DACH1: variants seen among roughly 807,000 people sequenced by gnomAD.
The protein encoded by DACH1 is dachshund homolog 1.
DACH1 carries 12 observed loss-of-function variants against 54.2 expected under a neutral mutation model. That is an observed-to-expected ratio of 0.22 (90% CI 0.14 to 0.36). The LOEUF (loss-of-function observed/expected upper bound fraction) is 0.36. Among genes scored for constraint, DACH1 ranks in the 10% least tolerant of loss-of-function variants. DACH1 has a pLI of 1.00. For missense variants in DACH1, 805 were observed against 929.8 expected, an observed-to-expected ratio of 0.87 and a Z score of 1.75; for synonymous variants, 386 against 366.2, an observed-to-expected ratio of 1.05 and a Z score of -0.62.
chr13:71,821,926 C>T (rs941908610), intron 1 of DACH1, among the ~76,000 whole-genome samples: 2 of 151,618 alleles, frequency 1.3e-5, no homozygotes, highest in South Asian at 2.1e-4. Context: ...CTGGGCGTGG[C>T]GGTGTGTGCC....
At chr13:71,726,146 A>G (rs1005982663) in intron 1 of DACH1, among the ~76,000 whole-genome samples, 4 of 152,126 alleles carry the variant, frequency 2.6e-5, no homozygotes, top group African/African-American at 4.8e-5. Context: ...TTAAACCTCT[A>G]TTCTTCTCAA....
chr13:71,781,390 A>ATTTATTTAT (rs927942757), intron 1 of DACH1, among the ~76,000 whole-genome samples: 1 of 126,060 alleles, frequency 7.9e-6, no homozygotes, highest in Admixed American at 7.7e-5. Context: ...TTATTTATTT[A>ATTTATTTAT]TTTTTTGAGA....
intron 1 of DACH1, among the ~76,000 whole-genome samples, chr13:71,737,981 G>T (rs1884212689): frequency 6.6e-6 from 1 of 152,180 alleles, no homozygotes; most frequent in Non-Finnish European, 1.5e-5. Context: ...TATTTTGGTG[G>T]TGGTGGAATT....
chr13:71,808,716 A>G (rs1887602814), intron 1 of DACH1, among the ~76,000 whole-genome samples: 1 of 152,192 alleles, frequency 6.6e-6, no homozygotes, highest in Non-Finnish European at 1.5e-5. Flanking sequence ...AAGAAGAATC[A>G]TTAGTTATTC....
At chr13:71,644,433 G>C (rs895710966) in intron 2 of DACH1, among the ~76,000 whole-genome samples, 1 of 152,138 alleles carries the variant, frequency 6.6e-6, no homozygotes, top group Non-Finnish European at 1.5e-5. Context: ...AGCTGGCACT[G>C]TGTTGAGGAT....
chr13:71,791,117 C>T (rs9318029), intron 1 of DACH1, among the ~76,000 whole-genome samples: 33,312 of 152,022 alleles, frequency 0.22, 4,427 homozygotes, highest in Non-Finnish European at 0.29. Flanking sequence ...GTACAATGGG[C>T]CAAAATTATC....
intron 3 of DACH1, among the ~76,000 whole-genome samples, chr13:71,602,824 G>A (rs1470081740): frequency 6.6e-6 from 1 of 151,930 alleles, no homozygotes; most frequent in Non-Finnish European, 1.5e-5. Context: ...ATAAATGTGT[G>A]AGTCCACATC....
chr13:71,742,535 G>GA lies in DACH1; in HGVS notation c.849-60626dup, dbSNP rs908485878. ...ATTTATTCATATTTACTCCATTGGG[G>GA]AAAAAAAAGGAAGAAAAATGCAAAG... On this transcript the variant is annotated intron_variant, in intron 1 of 10. Transcript: ENST00000613252. Among the ~76,000 whole-genome samples, 10 of 151,560 alleles carry GA rather than the reference G, an allele frequency of 6.6e-5. No homozygotes were observed. In the East Asian group the frequency reaches 1.2e-3, roughly 18 times the overall value.
rs117414273 is a variant in DACH1 at position 71,817,140 on chromosome 13, A to T, written c.848+48782T>A. ...AATAAAGTAAAACAAAATTATTAAA[A>T]ATAAGACATATAAAGGAGAAAGGAA... On this transcript the variant is annotated intron_variant, in intron 1 of 10. Coordinates refer to ENST00000613252, the MANE Select transcript of DACH1 (RefSeq NM_080759.6). 1.7e-3 allele frequency among the ~76,000 whole-genome samples: 262 copies of T among 152,334 alleles called. 3 individuals carry two copies. The highest frequency in any genetic ancestry group is 3.5e-3 in the Admixed American group (54 of 15,306).
chr13:71,695,466 C>T (rs776392150), intron 1 of DACH1, among the ~76,000 whole-genome samples: 1 of 152,174 alleles, frequency 6.6e-6, no homozygotes, highest in Non-Finnish European at 1.5e-5. Context: ...AGAGAAGAAA[C>T]TCTCAGAAAA....
intron 10 of DACH1, among the ~76,000 whole-genome samples, chr13:71,443,431 T>TA (rs1363578688): frequency 6.6e-6 from 1 of 151,994 alleles, no homozygotes; most frequent in Non-Finnish European, 1.5e-5. Flanking sequence ...CCATCTCTAT[T>TA]AAAAAATAAT....
At chr13:71,548,071 TGTGA>T (rs1883573548) in intron 6 of DACH1, among the ~76,000 whole-genome samples, 1 of 152,194 alleles carries the variant, frequency 6.6e-6, no homozygotes, top group African/African-American at 2.4e-5. Context: ...AAAAGTAGAC[TGTGA>T]GTGTTAGGCA....
intron 10 of DACH1, among the ~76,000 whole-genome samples, chr13:71,456,383 TTA>T (rs1462458371): frequency 1.3e-5 from 2 of 152,076 alleles, no homozygotes; most frequent in African/African-American, 4.8e-5. Flanking sequence ...GTGGCTGTGG[TTA>T]CTGTCAGTAT....
chr13:71,840,888 C>T (rs4337190), intron 1 of DACH1, among the ~76,000 whole-genome samples: 58,873 of 151,936 alleles, frequency 0.39, 13,604 homozygotes, highest in East Asian at 0.84. Context: ...CTTTTCTTTC[C>T]GTCTTACAAA....
chr13:71,570,190 G>A (rs956121778), intron 4 of DACH1, among the ~76,000 whole-genome samples: 1 of 152,056 alleles, frequency 6.6e-6, no homozygotes, highest in Non-Finnish European at 1.5e-5. Context: ...ACTTCTTGGA[G>A]GACCTATTCC....
chr13:71,674,587 C>G (rs569816588), intron 2 of DACH1, among the ~76,000 whole-genome samples: 1 of 152,042 alleles, frequency 6.6e-6, no homozygotes, highest in South Asian at 2.1e-4. Context: ...ACTGGATTCT[C>G]CCCTAGAGCC....
At chr13:71,844,731 G>A (rs563387481) in intron 1 of DACH1, among the ~76,000 whole-genome samples, 13 of 151,984 alleles carry the variant, frequency 8.6e-5, no homozygotes, top group African/African-American at 2.2e-4. Flanking sequence ...GTGAAAAACT[G>A]TTACTACCCA....
chr13:71,702,166 A>G (rs911474984), intron 1 of DACH1, among the ~76,000 whole-genome samples: 1 of 152,186 alleles, frequency 6.6e-6, no homozygotes, highest in African/African-American at 2.4e-5. Flanking sequence ...AATTATTCAC[A>G]TCTAAAGACT....
intron 1 of DACH1, among the ~76,000 whole-genome samples, chr13:71,821,450 C>CTAAGATTTTAAATTTAAATTTTAATTT (rs1888183936): frequency 6.7e-6 from 1 of 149,038 alleles, no homozygotes; most frequent in South Asian, 2.1e-4. Context: ...AATTTAAATT[C>CTAAGATTTTAAATTTAAATTTTAATTT]TAAGATTTTA....
Sources: gnomAD v4.1 joint callset for allele counts (sites outside exome capture counted in the v4.1 genomes callset) on GRCh38, gnomAD v4.1.1 for gene constraint, MANE v1.5 for transcripts, NCBI Gene and HGNC (gene_info 2026-07-23, HGNC 2026-07-21) for gene names.